The following MYO16 variants were observed in gnomAD, a reference collection of about 807,000 sequenced individuals.
MYO16 encodes the protein unconventional myosin-XVI.
A neutral mutation model predicts 205.3 loss-of-function variants in MYO16; 94 were observed. That is an observed-to-expected ratio of 0.46 (90% CI 0.39 to 0.54). The LOEUF (loss-of-function observed/expected upper bound fraction) is 0.54. Ranked by LOEUF, MYO16 falls within the 20% of genes least tolerant of loss-of-function variation. MYO16 has a pLI of 0.00. For synonymous variants in MYO16, 988 were observed against 954.0 expected, an observed-to-expected ratio of 1.04 and a Z score of -0.66; for missense variants, 2,315 against 2,387.5, an observed-to-expected ratio of 0.97 and a Z score of 0.63.
intron 10 of MYO16, 153 bp from the exon 11 acceptor site, chr13:108,855,290 T>A: frequency 7.6e-6 from 3 of 393,832 alleles, no homozygotes; most frequent in Non-Finnish European, 9.0e-6. Flanking sequence ...TTTTTTTTTT[T>A]CTTTTTCATT....
chr13:108,760,276 A>G (rs533422331), intron 4 of MYO16, among the ~76,000 whole-genome samples: 67 of 152,312 alleles, frequency 4.4e-4, no homozygotes, highest in Non-Finnish European at 6.8e-4. Context: ...AGAGAGCTCT[A>G]TGGGCACTCT....
intron 17 of MYO16, 126 bp from the exon 18 acceptor site, chr13:108,961,413 T>C: frequency 1.5e-6 from 1 of 688,350 alleles, no homozygotes; most frequent in South Asian, 2.0e-5. Context: ...ATTTGGGATC[T>C]GCAAACTCCC....
intron 28 of MYO16, among the ~76,000 whole-genome samples, chr13:109,107,501 A>G (rs1889153519): frequency 6.6e-6 from 1 of 152,150 alleles, no homozygotes; most frequent in Non-Finnish European, 1.5e-5. Context: ...AAAATAGAAG[A>G]GCAAGGAACT....
At chr13:108,930,262 A>G (rs536304343) in intron 16 of MYO16, among the ~76,000 whole-genome samples, 6 of 152,166 alleles carry the variant, frequency 3.9e-5, no homozygotes, top group Non-Finnish European at 8.8e-5. Flanking sequence ...ACACTATTGG[A>G]GAATGACATT....
At chr13:108,790,271 A>T (rs1886578636) in intron 5 of MYO16, among the ~76,000 whole-genome samples, 1 of 152,192 alleles carries the variant, frequency 6.6e-6, no homozygotes, top group Admixed American at 6.5e-5. Context: ...GGTTAAGGGA[A>T]GTTAAGTTAG....
At chr13:109,088,885 G>A (rs1001317967) in intron 27 of MYO16, among the ~76,000 whole-genome samples, 1 of 152,190 alleles carries the variant, frequency 6.6e-6, no homozygotes, top group Non-Finnish European at 1.5e-5. Context: ...TCAGGAGGGC[G>A]GGCAGCCCCT....
chr13:109,158,915 C>T (rs116648867), intron 32 of MYO16, among the ~76,000 whole-genome samples: 150 of 152,274 alleles, frequency 9.9e-4, no homozygotes, highest in African/African-American at 3.5e-3. Flanking sequence ...ATGGAAGCCC[C>T]TTCACGTAAC....
chr13:108,585,392 G>A, the MYO16 span, among the ~76,000 whole-genome samples: 1 of 152,192 alleles, frequency 6.6e-6, no homozygotes, highest in Non-Finnish European at 1.5e-5. Context: ...CTAAAGATCT[G>A]GGATCCATAG....
chr13:108,927,729 G>A (rs1447373376), intron 16 of MYO16, among the ~76,000 whole-genome samples: 1 of 152,254 alleles, frequency 6.6e-6, no homozygotes, highest in African/African-American at 2.4e-5. Flanking sequence ...CCCTGGAGGT[G>A]TGGAGCCCTG....
At chr13:108,529,963 A>G in the MYO16 span, among the ~76,000 whole-genome samples, 1 of 152,116 alleles carries the variant, frequency 6.6e-6, no homozygotes, top group Non-Finnish European at 1.5e-5. Context: ...CTCTCTCACT[A>G]AGGTTTTCTA....
rs1883736450 is a variant in MYO16, at chr13:108,965,005, A to T, written c.2369+103A>T. The T allele has an allele frequency of 4.4e-6, 5 of 1,135,310 alleles. No individual in the cohort carries two copies. In the East Asian group the frequency reaches 1.2e-4, roughly 28 times the overall value. The allele number at this position is 1,135,310 out of a possible 1,614,324, so 70.3% of individuals were successfully genotyped here. On this transcript the variant is annotated intron_variant, in intron 20 of 34. Coordinates refer to ENST00000457511, the MANE Select transcript of MYO16 (RefSeq NM_001198950.3). ...CATATTACAGGGTAACCAATAAGTT[A>T]AACTTCATTAATATATTTTATTTTA...
At chr13:109,138,156 A>G (rs1005377209) in intron 31 of MYO16, among the ~76,000 whole-genome samples, 1 of 152,252 alleles carries the variant, frequency 6.6e-6, no homozygotes, top group Non-Finnish European at 1.5e-5. Context: ...AATTTTAACC[A>G]TTAGACTTCA....
Position 108,855,461 on chromosome 13 carries a change from G to A in MYO16, c.1267G>A (p.Ala423Thr). Reference protein sequence around the residue: ...KPEQVKLMPPAPNDDLATLSE... With the variant: ...KPEQVKLMPPTPNDDLATLSE... ...TCCCCAGGTCAAGCTAATGCCTCCT[G>A]CCCCAAACGATGACCTGGCAACGCT... Residue 423 changes from alanine to threonine, a missense_variant, in exon 11 of 35, where the codon GCC becomes ACC. Around this residue, in one of 3 missense-constraint regions of MYO16, gnomAD observed 1,213 missense variants for 1,274.4 expected, o/e 0.95. Transcript: ENST00000457511. 3 of 1,592,808 alleles carry A rather than the reference G, an allele frequency of 1.9e-6. No homozygotes were observed. The highest frequency in any genetic ancestry group is 2.6e-6 in the Non-Finnish European group (3 of 1,163,672).
chr13:108,686,304 C>A (rs1594208875), intron 2 of MYO16, among the ~76,000 whole-genome samples: 1 of 152,196 alleles, frequency 6.6e-6, no homozygotes, highest in East Asian at 1.9e-4. Flanking sequence ...CTTTTTGCTA[C>A]AGGAGATTTA....
intron 10 of MYO16, among the ~76,000 whole-genome samples, chr13:108,850,221 G>GC (rs1199796433): frequency 6.6e-6 from 1 of 152,092 alleles, no homozygotes; most frequent in Non-Finnish European, 1.5e-5. Flanking sequence ...CATCTCTGTT[G>GC]CCCCCTGGGC....
chr13:108,661,762 A>G (rs540382092), intron 1 of MYO16, among the ~76,000 whole-genome samples: 1 of 152,196 alleles, frequency 6.6e-6, no homozygotes, highest in South Asian at 2.1e-4. Flanking sequence ...CTTAATAACT[A>G]TCCTTCTGAT....
chr13:109,160,783 C>T (rs559080731), intron 32 of MYO16, among the ~76,000 whole-genome samples: 1 of 152,316 alleles, frequency 6.6e-6, no homozygotes, highest in East Asian at 1.9e-4. Flanking sequence ...TTTGTTTGCA[C>T]TGTATTATTT....
intron 1 of MYO16, among the ~76,000 whole-genome samples, chr13:108,616,027 C>A (rs1391726620): frequency 6.6e-6 from 1 of 152,150 alleles, no homozygotes. Flanking sequence ...ACTGCATAAA[C>A]ACTTTGATTT....
intron 16 of MYO16, among the ~76,000 whole-genome samples, chr13:108,934,323 A>G (rs1882385097): frequency 1.3e-5 from 2 of 152,114 alleles, no homozygotes; most frequent in Non-Finnish European, 2.9e-5. Flanking sequence ...TGAGATTTTC[A>G]TTTACATTTC....
Sources: gnomAD v4.1 joint callset for allele counts (sites outside exome capture counted in the v4.1 genomes callset) on GRCh38, gnomAD v4.1.1 for gene constraint, gnomAD v4.1.1 regional missense constraint, MANE v1.5 for transcripts, NCBI Gene and HGNC (gene_info 2026-07-23, HGNC 2026-07-21) for gene names.